The following NGLY1 variants were observed in gnomAD, a reference collection of about 807,000 sequenced individuals.
NGLY1 encodes the protein peptide-N(4)-(N-acetyl-beta-glucosaminyl)asparagine amidase.
A neutral mutation model predicts 84.6 loss-of-function variants in NGLY1; 68 were observed. The ratio of observed to expected loss-of-function variants is 0.80; its 90% CI spans 0.66 to 0.98. NGLY1 has a LOEUF of 0.98. Ranked by LOEUF, NGLY1 falls within the 50% of genes least tolerant of loss-of-function variation. The probability of loss-of-function intolerance (pLI) is 0.00; values close to 1 mark genes in which losing one functional copy is unlikely to be tolerated. For synonymous variants in NGLY1, 280 were observed against 275.2 expected (o/e 1.02, Z -0.17); for missense variants, 779 against 770.2 (o/e 1.01, Z -0.14).
At chr3:25,789,614 G>A (rs1038168857) in intron 1 of NGLY1, among the ~76,000 whole-genome samples, 1 of 152,102 alleles carries the variant, frequency 6.6e-6, no homozygotes, top group African/African-American at 2.4e-5. Flanking sequence ...CGGCTGCATG[G>A]CATTTGGATG....
intron 3 of NGLY1, among the ~76,000 whole-genome samples, chr3:25,755,927 A>G (rs1707014269): frequency 6.6e-6 from 1 of 152,136 alleles, no homozygotes; most frequent in African/African-American, 2.4e-5. Context: ...TGTTTTTGAG[A>G]CACTTTTCTG....
At chr3:25,772,046 C>A (rs1489515014) in intron 2 of NGLY1, among the ~76,000 whole-genome samples, 1 of 152,152 alleles carries the variant, frequency 6.6e-6, no homozygotes, top group Non-Finnish European at 1.5e-5. Flanking sequence ...ACTGCTCTGG[C>A]TAGGACTTCC....
At chr3:25,733,739 A>G (rs949625913) in intron 8 of NGLY1, 133 bp downstream of exon 8, 5 of 463,030 alleles carry the variant, frequency 1.1e-5, no homozygotes, top group Middle Eastern at 5.4e-4. Flanking sequence ...TTAATATTCA[A>G]AAAGAATATT....
In NGLY1 at chr3:25,778,565, CAT is replaced by C; in HGVS notation, c.246+7_246+8del. 2 of 1,527,842 alleles carry C rather than the reference CAT, an allele frequency of 1.3e-6. No homozygotes were observed. Among genetic ancestry groups the C allele is most frequent in the Non-Finnish European group, 1.8e-6 (2 of 1,112,764 alleles). The allele number at this position is 1,527,842 out of a possible 1,614,324, so 94.6% of individuals were successfully genotyped here. On this transcript the variant is annotated splice_region_variant and intron_variant, in intron 2 of 11. Transcript: ENST00000280700. ...GAAGAGGGGAGAGGAAATCCTTGAA[CAT>C]ACTTACCTCTTCAAAGCCCATTTCA...
At chr3:25,774,103 T>C (rs187388600) in intron 2 of NGLY1, among the ~76,000 whole-genome samples, 58 of 152,352 alleles carry the variant, frequency 3.8e-4, no homozygotes, top group African/African-American at 1.3e-3. Flanking sequence ...GGTGTGCTGG[T>C]AGTAAAGCTG....
At chr3:25,763,087 T>G (rs1168768811) in intron 3 of NGLY1, among the ~76,000 whole-genome samples, 1 of 152,082 alleles carries the variant, frequency 6.6e-6, no homozygotes, top group Non-Finnish European at 1.5e-5. Context: ...ATTTTGCCAC[T>G]GTACTACAGC....
At chr3:25,771,115 G>A (rs1038636091) in intron 2 of NGLY1, among the ~76,000 whole-genome samples, 5 of 152,162 alleles carry the variant, frequency 3.3e-5, no homozygotes, top group South Asian at 2.1e-4. Context: ...TGAAGTCTTC[G>A]TCTAAGCCAA....
At position 25,719,461 on chromosome 3, in the gene NGLY1, C is replaced by CA. The variant is rs1349637912; in HGVS notation, c.1963dup (p.Ter655LeufsTer4). The CA allele has an allele frequency of 3.1e-6, 5 of 1,612,718 alleles. No homozygotes were observed. In the South Asian group the frequency reaches 5.5e-5, roughly 18 times the overall value. ...AGCTTTTCTATAATGTTCAGGTTCT[C>CA]AAAGGTCACTGAATTTTATAATTAT... On this transcript the variant is annotated frameshift_variant and stop_lost, in exon 12 of 12. Coordinates refer to ENST00000280700, the MANE Select transcript of NGLY1 (RefSeq NM_018297.4). LOFTEE classifies it high-confidence loss of function.
At chr3:25,744,629 T>C (rs1177245856) in intron 4 of NGLY1, among the ~76,000 whole-genome samples, 2 of 152,304 alleles carry the variant, frequency 1.3e-5, no homozygotes, top group East Asian at 1.9e-4. Flanking sequence ...AATTTCAATT[T>C]TGGAGGGATG....
Position 25,739,597 on chromosome 3 carries a change from C to T in NGLY1, c.861G>A (p.Gln287=). 1 of 1,614,054 alleles carries T rather than the reference C, an allele frequency of 6.2e-7. No individual in the cohort carries two copies. The highest frequency in any genetic ancestry group is 8.5e-7 in the Non-Finnish European group (1 of 1,179,970). The change falls in exon 5 of 12, where the codon CAG becomes CAA. Residue 287 remains glutamine, a synonymous_variant. Coordinates refer to ENST00000280700, the MANE Select transcript of NGLY1 (RefSeq NM_018297.4). ...CCCACCTTGGGAATCGATTGCTGAA[C>T]TGGCAGGCATCACAGTAATGATCTT... ...EVEDHYCDAC[Q]FSNRFPRYNN...
At position 25,773,349 on chromosome 3, in the gene NGLY1, G is replaced by C. The variant is rs150982025; in HGVS notation, c.246+5225C>G. On this transcript the variant is annotated intron_variant, in intron 2 of 11. Coordinates refer to ENST00000280700, the MANE Select transcript of NGLY1 (RefSeq NM_018297.4). ...TTAAAATTCTTTTTTGTCTTTGTTG[G>C]ATTGGGTTAATACGAAAGCCTCATC... is the stretch of plus-strand genomic sequence containing the variant. Among the ~76,000 whole-genome samples the C allele has an allele frequency of 8.6e-3, 1,303 of 152,136 alleles. 18 individuals carry two copies. Among genetic ancestry groups the C allele is most frequent in the African/African-American group, 0.03 (1,236 of 41,500 alleles).
chr3:25,786,602 A>G (rs966962121), upstream of NGLY1, among the ~76,000 whole-genome samples: 1 of 152,202 alleles, frequency 6.6e-6, no homozygotes, highest in African/African-American at 2.4e-5. Context: ...AAAATGAGAG[A>G]CCAAGTCCCT....
chr3:25,749,506 C>T (rs910098789), intron 4 of NGLY1: 30 of 1,577,380 alleles, frequency 1.9e-5, no homozygotes, highest in Middle Eastern at 3.3e-4. Context: ...CCTCAGACCC[C>T]TTGTGAAGCC....
intron 2 of NGLY1, among the ~76,000 whole-genome samples, chr3:25,773,117 C>A (rs566691180): frequency 9.9e-5 from 15 of 152,246 alleles, no homozygotes; most frequent in African/African-American, 3.4e-4. Flanking sequence ...AGGTGATGAT[C>A]TTTTTGAGAT....
chr3:25,739,359 AC>A (rs1430874463), intron 5 of NGLY1, among the ~76,000 whole-genome samples: 1 of 152,162 alleles, frequency 6.6e-6, no homozygotes, highest in Non-Finnish European at 1.5e-5. Flanking sequence ...ATAAAAACAG[AC>A]CATAAGCAAA....
Position 25,736,051 on chromosome 3 carries a change from C to G in NGLY1, c.1102G>C (p.Gly368Arg). The G allele has an allele frequency of 6.2e-7, 1 of 1,613,996 alleles. No homozygotes were observed. Among genetic ancestry groups the G allele is most frequent in the Non-Finnish European group, 8.5e-7 (1 of 1,179,892 alleles). Residue 368 changes from glycine to arginine, a missense_variant, in exon 7 of 12, where the codon GGA (glycine) becomes CGA (arginine). Transcript: ENST00000280700. The stretch of plus-strand genomic sequence containing the variant: ...ACATAGGAAAGCTTCTTGCCCCATC[C>G]TATTTCATAAAGGAGTGGCTTGTCA... ...VCDKPLLYEI[G>R]WGKKLSYVIA...
intron 3 of NGLY1, among the ~76,000 whole-genome samples, chr3:25,753,145 G>A (rs1706843621): frequency 6.6e-6 from 1 of 151,962 alleles, no homozygotes; most frequent in Non-Finnish European, 1.5e-5. Flanking sequence ...TTTTACAATA[G>A]CAAGGCTAAA....
chr3:25,751,020 G>A (rs1468171770), intron 4 of NGLY1, 78 bp downstream of exon 4: 3 of 1,407,138 alleles, frequency 2.1e-6, no homozygotes, highest in Non-Finnish European at 1.9e-6. Flanking sequence ...TTCTTCAAGG[G>A]TCAGTTGTAT....
chr3:25,737,181 G>A (rs1055739593), intron 6 of NGLY1, 153 bp downstream of exon 6: 232 of 573,334 alleles, frequency 4.0e-4, no homozygotes, highest in Admixed American at 1.5e-4. Context: ...CAAAAAACCT[G>A]GAAGGTTGGT....
Sources: allele counts gnomAD v4.1 joint callset (sites outside exome capture counted in the v4.1 genomes callset), GRCh38; gene constraint gnomAD v4.1.1; transcripts MANE v1.5; gene names NCBI Gene and HGNC (gene_info 2026-07-23, HGNC 2026-07-21).